Variants in CRYBA1 observed in about 807,000 individuals in gnomAD.
The protein encoded by CRYBA1 is crystallin beta A1.
In CRYBA1, 25 loss-of-function variants were observed where a neutral mutation model predicts 36.2. That is an observed-to-expected ratio of 0.69 (90% CI 0.50 to 0.97). The LOEUF is 0.97. Ranked by LOEUF, CRYBA1 falls within the 50% of genes least tolerant of loss-of-function variation. The pLI is 0.00. For synonymous variants in CRYBA1, 111 were observed against 90.0 expected (o/e 1.23, Z -1.32); for missense variants, 224 against 276.3 (o/e 0.81, Z 1.34).
intron 1 of CRYBA1, among the ~76,000 whole-genome samples, 180 bp from the exon 2 acceptor site, chr17:29,248,960 CCT>C (rs1294153809): frequency 1.1e-4 from 16 of 152,018 alleles, no homozygotes; most frequent in African/African-American, 3.6e-4. Context: ...AGAGAAAGAC[CCT>C]GTCTCAAAAT....
At chr17:29,252,472 A>T (rs1360399601) in intron 4 of CRYBA1, among the ~76,000 whole-genome samples, 1 of 152,244 alleles carries the variant, frequency 6.6e-6, no homozygotes, top group African/African-American at 2.4e-5. Flanking sequence ...GTGAAACACT[A>T]GTAAATGAGT....
At position 29,253,654 on chromosome 17, in the gene CRYBA1, T is replaced by A. The variant is rs1325792306; in HGVS notation, c.372T>A (p.Ser124=). The change falls in exon 5 of 6, where the codon TCT becomes TCA. Residue 124 remains serine, a synonymous_variant. Transcript: ENST00000225387. ...RPICSANHKE[S]KMTIFEKENF... ...CTGAATTACAGAATCATAAGGAGTC[T>A]AAGATGACCATCTTTGAGAAGGAAA... 1 of 1,612,946 alleles carries A rather than the reference T, an allele frequency of 6.2e-7. No individual in the cohort carries two copies. The highest frequency in any genetic ancestry group is 1.3e-5 in the African/African-American group (1 of 75,026).
intron 5 of CRYBA1, 53 bp from the exon 6 acceptor site, chr17:29,254,149 T>A (rs952517769): frequency 1.9e-6 from 3 of 1,596,450 alleles, no homozygotes; most frequent in Non-Finnish European, 2.6e-6. Flanking sequence ...TTTTGGGGTA[T>A]TAACCAGATT....
At chr17:29,254,107 T>A in intron 5 of CRYBA1, 95 bp from the exon 6 acceptor site, 1 of 1,370,656 alleles carries the variant, frequency 7.3e-7, no homozygotes, top group Non-Finnish European at 1.0e-6. Flanking sequence ...TAAAAGCATC[T>A]CATACCATTG....
chr17:29,248,645 G>A (rs527730144), intron 1 of CRYBA1, among the ~76,000 whole-genome samples: 2 of 151,998 alleles, frequency 1.3e-5, no homozygotes, highest in South Asian at 2.1e-4. Context: ...GATTACAGGC[G>A]TGAACCACCG....
In CRYBA1 at chr17:29,252,100, A is replaced by G; in HGVS notation, c.252A>G (p.Gln84=). ...ATGAGCATACCAGCTTCTGTGGGCA[A>G]CAGTTTATCCTGGAGAGAGGAGAAT... The part of the protein sequence containing the change: ...IGYEHTSFCG[Q]QFILERGEYP... The change falls in exon 4 of 6, where the codon CAA becomes CAG. Residue 84 remains glutamine (Q), a synonymous_variant. Coordinates refer to ENST00000225387, the MANE Select transcript of CRYBA1 (RefSeq NM_005208.5). 1 of 1,614,156 alleles carries G rather than the reference A, an allele frequency of 6.2e-7. No individual in the cohort carries two copies. Among genetic ancestry groups the G allele is most frequent in the Non-Finnish European group, 8.5e-7 (1 of 1,180,018 alleles).
At chr17:29,251,865 C>T (rs1598425391) in intron 3 of CRYBA1, among the ~76,000 whole-genome samples, 199 bp from the exon 4 acceptor site, 1 of 151,178 alleles carries the variant, frequency 6.6e-6, no homozygotes, top group Admixed American at 6.6e-5. Context: ...AACCCCCAAA[C>T]AAATATTACA....
chr17:29,252,328 A>G (rs911685473), intron 4 of CRYBA1, 123 bp downstream of exon 4: 2 of 1,342,952 alleles, frequency 1.5e-6, no homozygotes, highest in African/African-American at 1.5e-5. Context: ...AGACAAAAGT[A>G]AAAAAAGAGA....
chr17:29,250,086 CAG>C (rs1157701609), intron 2 of CRYBA1, 94 bp from the exon 3 acceptor site: 7 of 798,290 alleles, frequency 8.8e-6, no homozygotes, highest in Non-Finnish European at 1.6e-5. Flanking sequence ...CAGCTGGTAA[CAG>C]AAAGCACAGA....
chr17:29,253,809 T>C (rs772911560), intron 5 of CRYBA1, 27 bp downstream of exon 5: 1 of 1,613,562 alleles, frequency 6.2e-7, no homozygotes, highest in Non-Finnish European at 8.5e-7. Flanking sequence ...GGTTGGAATA[T>C]ACTTCAAAGT....
chr17:29,250,433 A>C, intron 3 of CRYBA1, 133 bp downstream of exon 3: 1 of 740,490 alleles, frequency 1.4e-6, no homozygotes, highest in South Asian at 1.4e-5. Flanking sequence ...GCCTCGAAAG[A>C]AATCACTACA....
intron 1 of CRYBA1, 98 bp downstream of exon 1, chr17:29,246,992 C>T (rs2068904895): frequency 7.5e-7 from 1 of 1,339,542 alleles, no homozygotes; most frequent in South Asian, 1.3e-5. Flanking sequence ...TGTGTAGAGC[C>T]TTCTAGGGTG....
intron 1 of CRYBA1, 74 bp from the exon 2 acceptor site, chr17:29,249,068 T>C (rs2068918895): frequency 1.0e-6 from 1 of 973,028 alleles, no homozygotes; most frequent in South Asian, 1.3e-5. Flanking sequence ...AAGTCTCCTT[T>C]ACCTTTCAAG....
chr17:29,252,132 G>A lies in CRYBA1; in HGVS notation c.284G>A (p.Arg95His), dbSNP rs184725593. ...QFILERGEYP[R>H]WDAWSGSNAY... is the part of the protein sequence containing the mutation. ...ATCCTGGAGAGAGGAGAATACCCTC[G>A]CTGGGATGCCTGGAGTGGGAGTAAT... is the stretch of plus-strand genomic sequence containing the variant. Residue 95 changes from arginine (R) to histidine (H), a missense_variant, in exon 4 of 6, where the codon CGC becomes CAC. Arg to His is a conservative substitution (Grantham distance 29, BLOSUM62 0). Transcript: ENST00000225387. 15 of 1,614,090 alleles carry A rather than the reference G, an allele frequency of 9.3e-6. No individual in the cohort carries two copies. Among genetic ancestry groups the A allele is most frequent in the East Asian group, 2.2e-5 (1 of 44,874 alleles).
intron 1 of CRYBA1, among the ~76,000 whole-genome samples, chr17:29,248,929 C>CT (rs2068918092): frequency 6.6e-6 from 1 of 152,098 alleles, no homozygotes; most frequent in Admixed American, 6.5e-5. Flanking sequence ...GATTGTGCCA[C>CT]TGCACTCCAG....
At chr17:29,248,030 C>T (rs1209598450) in intron 1 of CRYBA1, among the ~76,000 whole-genome samples, 2 of 151,758 alleles carry the variant, frequency 1.3e-5, no homozygotes, top group African/African-American at 4.8e-5. Flanking sequence ...ACAGGAGAAT[C>T]GCTTGAACCT....
At chr17:29,252,272 C>T (rs1028282434) in intron 4 of CRYBA1, 67 bp downstream of exon 4, 3 of 1,592,480 alleles carry the variant, frequency 1.9e-6, no homozygotes, top group South Asian at 2.2e-5. Context: ...GACAGACTGA[C>T]GTTCATGCTA....
At chr17:29,250,094 A>T (rs1408245635) in intron 2 of CRYBA1, 88 bp from the exon 3 acceptor site, 9 of 812,806 alleles carry the variant, frequency 1.1e-5, no homozygotes, top group Non-Finnish European at 1.8e-5. Flanking sequence ...AACAGAAAGC[A>T]CAGAGTCAGA....
In CRYBA1 at chr17:29,252,161, T is replaced by C. The variant is rs1334181721; in HGVS notation, c.313T>C (p.Tyr105His). Residue 105 changes from tyrosine to histidine, a missense_variant, in exon 4 of 6, where the codon TAC becomes CAC. Tyr to His is a moderately conservative substitution (Grantham distance 83). Coordinates refer to ENST00000225387, the MANE Select transcript of CRYBA1 (RefSeq NM_005208.5). ...GGATGCCTGGAGTGGGAGTAATGCC[T>C]ACCACATTGAGCGTCTCATGTCCTT... The part of the protein sequence containing the change: ...RWDAWSGSNA[Y>H]HIERLMSFRP... 5.6e-6 allele frequency: 9 copies of C among 1,614,042 alleles called. No individual in the cohort carries two copies. The African/African-American group carries it at 1.1e-4, about 19-fold the overall frequency.
Sources: allele counts gnomAD v4.1 joint callset (sites outside exome capture counted in the v4.1 genomes callset), GRCh38; gene constraint gnomAD v4.1.1; transcripts MANE v1.5; gene names NCBI Gene and HGNC (gene_info 2026-07-23, HGNC 2026-07-21).